POLA1: variants seen among roughly 807,000 people sequenced by gnomAD.
POLA1 encodes the protein DNA polymerase alpha catalytic subunit.
In POLA1, 15 loss-of-function variants were observed where a neutral mutation model predicts 124.0. The ratio of observed to expected loss-of-function variants is 0.12; its 90% confidence interval spans 0.08 to 0.19. The LOEUF (loss-of-function observed/expected upper bound fraction) is 0.19, where lower values mean the gene tolerates loss of function less well. Ranked by LOEUF, POLA1 falls within the 10% of genes least tolerant of loss-of-function variation. The pLI is 1.00. For synonymous variants in POLA1, 408 were observed against 389.4 expected (o/e 1.05, Z -0.56); for missense variants, 886 against 1,103.4 (o/e 0.80, Z 2.79).
chrX:24,915,926 A>C (rs1360340139), intron 35 of POLA1, among the ~76,000 whole-genome samples: 1 of 112,139 alleles, frequency 8.9e-6, no homozygotes, highest in Non-Finnish European at 1.9e-5. Context: ...CAGACCTTCA[A>C]ATGAGATAAA....
chrX:24,737,172 C>A (rs1334373262), intron 18 of POLA1, among the ~76,000 whole-genome samples: 1 of 111,442 alleles, frequency 9.0e-6, no homozygotes, highest in Non-Finnish European at 1.9e-5. Context: ...TAAAAAGAAG[C>A]TAAATGCAGT....
At chrX:24,946,256 T>C (rs2047959076) in intron 36 of POLA1, among the ~76,000 whole-genome samples, 1 of 111,239 alleles carries the variant, frequency 9.0e-6, no homozygotes, top group African/African-American at 3.3e-5. Context: ...TAGAGCAGCC[T>C]TCCGCAACTT....
At chrX:24,855,156 G>A (rs2046626668) in intron 34 of POLA1, among the ~76,000 whole-genome samples, 1 of 111,754 alleles carries the variant, frequency 8.9e-6, no homozygotes, top group Non-Finnish European at 1.9e-5. Context: ...AATGTTAATA[G>A]TGATCATCTT....
intron 35 of POLA1, among the ~76,000 whole-genome samples, chrX:24,912,145 G>A (rs11094975): frequency 0.071 from 7,991 of 112,094 alleles, 304 homozygotes; most frequent in Middle Eastern, 0.13. Flanking sequence ...AACAAGTGAT[G>A]ATGGAAAAAG....
chrX:24,746,545 T>C (rs1369691213), intron 24 of POLA1, among the ~76,000 whole-genome samples: 2 of 112,234 alleles, frequency 1.8e-5, no homozygotes, highest in African/African-American at 6.5e-5. Flanking sequence ...TTTATAGATC[T>C]GAATCATTTT....
At chrX:24,701,456 G>A (rs1176594543) in intron 2 of POLA1, among the ~76,000 whole-genome samples, 2 of 104,136 alleles carry the variant, frequency 1.9e-5, no homozygotes, top group East Asian at 5.9e-4. Context: ...TTTTTTTGAG[G>A]TGGAGTTTTG....
At chrX:24,968,688 G>A (rs1463153796) in intron 36 of POLA1, among the ~76,000 whole-genome samples, 3 of 97,936 alleles carry the variant, frequency 3.1e-5, no homozygotes, top group Non-Finnish European at 6.1e-5. Flanking sequence ...GGGCGACAGA[G>A]CGAGACTCCA....
At chrX:24,935,551 C>G (rs922448615) in intron 36 of POLA1, among the ~76,000 whole-genome samples, 2 of 113,113 alleles carry the variant, frequency 1.8e-5, no homozygotes, top group African/African-American at 6.4e-5. Context: ...CTGAGCTGCA[C>G]CTGCAAAGAT....
At chrX:24,987,916 G>A (rs950545136) in intron 36 of POLA1, among the ~76,000 whole-genome samples, 3 of 111,806 alleles carry the variant, frequency 2.7e-5, no homozygotes, top group Non-Finnish European at 5.7e-5. Context: ...TTATAGCACA[G>A]CTGTTACCTT....
intron 26 of POLA1, among the ~76,000 whole-genome samples, chrX:24,772,636 C>T (rs972902948): frequency 6.3e-5 from 7 of 110,670 alleles, no homozygotes; most frequent in African/African-American, 2.3e-4. Context: ...AGTGAGAACA[C>T]ACGGTATTTG....
chrX:24,792,269 C>T (rs910101837), intron 26 of POLA1, among the ~76,000 whole-genome samples: 1 of 111,641 alleles, frequency 9.0e-6, no homozygotes, highest in Non-Finnish European at 1.9e-5. Context: ...AAGCACCCCC[C>T]TCCCCAATAC....
chrX:24,991,017 A>C (rs1233647967), intron 36 of POLA1, among the ~76,000 whole-genome samples: 1 of 112,153 alleles, frequency 8.9e-6, no homozygotes, highest in Non-Finnish European at 1.9e-5. Flanking sequence ...AATTGTCTGA[A>C]GTAATAGGTT....
At chrX:24,726,173 T>C (rs976584546) in intron 13 of POLA1, 118 bp downstream of exon 13, 21 of 465,856 alleles carry the variant, frequency 4.5e-5, no homozygotes, top group Non-Finnish European at 7.5e-5. Context: ...CCACAGTTCA[T>C]TGAGGTGGAT....
intron 36 of POLA1, among the ~76,000 whole-genome samples, chrX:24,952,164 G>C (rs1383381395): frequency 8.9e-6 from 1 of 111,934 alleles, no homozygotes; most frequent in African/African-American, 3.3e-5. Context: ...TGATACTATA[G>C]GTGCAGACCA....
At chrX:24,790,728 T>C (rs1444303991) in intron 26 of POLA1, among the ~76,000 whole-genome samples, 3 of 110,144 alleles carry the variant, frequency 2.7e-5, no homozygotes, top group Admixed American at 9.8e-5. Flanking sequence ...AATTTACATA[T>C]ACTGAAACTG....
intron 35 of POLA1, among the ~76,000 whole-genome samples, chrX:24,911,091 C>G (rs991676665): frequency 1.8e-5 from 2 of 111,970 alleles, no homozygotes; most frequent in African/African-American, 6.5e-5. Flanking sequence ...GGAAAATCTT[C>G]AAGTACTTGG....
At chrX:24,827,366 A>G (rs2046189101) in intron 32 of POLA1, among the ~76,000 whole-genome samples, 1 of 112,541 alleles carries the variant, frequency 8.9e-6, no homozygotes, top group Non-Finnish European at 1.9e-5. Context: ...GTAAGCAAAG[A>G]TGAGTGTTTT....
At chrX:24,699,615 T>A in intron 2 of POLA1, 66 bp downstream of exon 2, 2 of 885,682 alleles carry the variant, frequency 2.3e-6, no homozygotes, top group Non-Finnish European at 3.0e-6. Context: ...GCAGGTAGTC[T>A]TATGTCACCT....
intron 34 of POLA1, among the ~76,000 whole-genome samples, chrX:24,857,853 GTA>G (rs2046665992): frequency 9.0e-6 from 1 of 111,147 alleles, no homozygotes; most frequent in African/African-American, 3.3e-5. Flanking sequence ...ATAAATATCT[GTA>G]TGTGTATATA....
Sources: gnomAD v4.1 joint callset for allele counts (sites outside exome capture counted in the v4.1 genomes callset) on GRCh38, gnomAD v4.1.1 for gene constraint, MANE v1.5 for transcripts, NCBI Gene and HGNC (gene_info 2026-07-23, HGNC 2026-07-21) for gene names.